GPC5: variants seen among roughly 807,000 people sequenced by gnomAD.
GPC5 encodes the protein glypican-5.
Under a neutral mutation model 53.9 loss-of-function variants are expected in GPC5, and 47 were observed. That is an observed-to-expected ratio of 0.87 (90% CI 0.69 to 1.11). GPC5 has a LOEUF of 1.11. Among genes scored for constraint, GPC5 ranks in the 50% most tolerant of loss-of-function variants. The probability of loss-of-function intolerance (pLI) is 0.00; values close to 1 mark genes in which losing one functional copy is unlikely to be tolerated. For synonymous variants in GPC5, 286 were observed against 263.3 expected (o/e 1.09, Z -0.84); for missense variants, 748 against 713.1 (o/e 1.05, Z -0.56).
Position 92,048,708 on chromosome 13 carries a change from T to A in GPC5, c.1402-96122T>A, listed in dbSNP as rs184234327. Among the ~76,000 whole-genome samples the A allele has an allele frequency of 2.0e-3, 312 of 152,354 alleles. 3 individuals are homozygous for A. The highest frequency in any genetic ancestry group is 7.1e-3 in the African/African-American group (296 of 41,584). On this transcript the variant is annotated intron_variant, in intron 6 of 7. Coordinates refer to ENST00000377067, the MANE Select transcript of GPC5 (RefSeq NM_004466.6). Reference sequence around the variant, plus strand: ...AACATTTGATTTCACAATATTAATATATTGCCTGAACAAATGTTCAGAAAT... The same window carrying A: ...AACATTTGATTTCACAATATTAATAAATTGCCTGAACAAATGTTCAGAAAT...
chr13:92,551,766 GAACA>G (rs915299849), intron 7 of GPC5, among the ~76,000 whole-genome samples: 3 of 151,436 alleles, frequency 2.0e-5, no homozygotes, highest in East Asian at 1.9e-4. Flanking sequence ...AATGTGAGAA[GAACA>G]AACAAACAGA....
chr13:91,594,346 T>A (rs950603550), intron 2 of GPC5, among the ~76,000 whole-genome samples: 3 of 152,224 alleles, frequency 2.0e-5, no homozygotes, highest in African/African-American at 7.2e-5. Context: ...TCTCATTATT[T>A]CTATACAAGG....
At chr13:92,404,952 A>G (rs947280022) in intron 7 of GPC5, among the ~76,000 whole-genome samples, 1 of 150,404 alleles carries the variant, frequency 6.6e-6, no homozygotes, top group African/African-American at 2.5e-5. Flanking sequence ...TGGGAGTTTA[A>G]GCAAAACAAT....
intron 3 of GPC5, among the ~76,000 whole-genome samples, chr13:91,719,521 A>G (rs1278802806): frequency 6.6e-6 from 1 of 152,190 alleles, no homozygotes; most frequent in Non-Finnish European, 1.5e-5. Context: ...ATCTCACATT[A>G]TGGTCATTAT....
intron 2 of GPC5, among the ~76,000 whole-genome samples, chr13:91,452,322 G>A (rs886361367): frequency 6.6e-6 from 1 of 152,034 alleles, no homozygotes; most frequent in African/African-American, 2.4e-5. Flanking sequence ...TTATGACCTG[G>A]GACTTCACTA....
intron 7 of GPC5, among the ~76,000 whole-genome samples, chr13:92,372,671 T>A (rs180817605): frequency 6.6e-6 from 1 of 152,288 alleles, no homozygotes; most frequent in South Asian, 2.1e-4. Context: ...GACCTTGATA[T>A]ATTTCTGTCC....
At chr13:91,574,714 G>A (rs1351728794) in intron 2 of GPC5, among the ~76,000 whole-genome samples, 1 of 152,050 alleles carries the variant, frequency 6.6e-6, no homozygotes, top group Non-Finnish European at 1.5e-5. Context: ...CAATTGCCAT[G>A]AAAGTAAAGG....
chr13:92,429,010 A>G (rs779945450), intron 7 of GPC5, among the ~76,000 whole-genome samples: 17 of 152,126 alleles, frequency 1.1e-4, no homozygotes, highest in Non-Finnish European at 2.9e-5. Context: ...TTGGGGGGAC[A>G]AAATACTTTA....
intron 6 of GPC5, among the ~76,000 whole-genome samples, chr13:92,007,072 G>A (rs1209286475): frequency 6.6e-6 from 1 of 152,202 alleles, no homozygotes; most frequent in East Asian, 1.9e-4. Flanking sequence ...ATTGATGCTA[G>A]TGTGCAATTT....
At chr13:92,747,343 C>T (rs1889264777) in intron 7 of GPC5, among the ~76,000 whole-genome samples, 1 of 151,778 alleles carries the variant, frequency 6.6e-6, no homozygotes, top group Non-Finnish European at 1.5e-5. Flanking sequence ...TTCCTTTAAG[C>T]CAGAGATAAA....
intron 6 of GPC5, among the ~76,000 whole-genome samples, chr13:91,977,081 T>A (rs200560799): frequency 1.4e-4 from 19 of 135,490 alleles, no homozygotes; most frequent in East Asian, 2.2e-4. Context: ...AATAAATAAA[T>A]AAAATAACCA....
intron 7 of GPC5, among the ~76,000 whole-genome samples, chr13:92,316,343 A>G (rs953206043): frequency 3.9e-4 from 59 of 152,188 alleles, no homozygotes; most frequent in African/African-American, 1.4e-3. Flanking sequence ...GGAAGGTAAT[A>G]CTTAAGCATG....
intron 7 of GPC5, among the ~76,000 whole-genome samples, chr13:92,850,239 G>C (rs184202156): frequency 2.6e-5 from 4 of 152,240 alleles, no homozygotes; most frequent in African/African-American, 9.6e-5. Flanking sequence ...GCCCAAGAAA[G>C]CCAACTCCCT....
At chr13:91,931,285 A>C (rs1384208280) in intron 6 of GPC5, among the ~76,000 whole-genome samples, 1 of 152,070 alleles carries the variant, frequency 6.6e-6, no homozygotes, top group Non-Finnish European at 1.5e-5. Context: ...TTCACTTGTG[A>C]ATTATGTAAG....
At chr13:92,238,999 A>T (rs79628400) in intron 7 of GPC5, among the ~76,000 whole-genome samples, 82 of 30,214 alleles carry the variant, frequency 2.7e-3, no homozygotes, top group African/African-American at 5.1e-3. Context: ...TGACAAGATT[A>T]TTTTTTTTTT....
chr13:91,608,379 A>G (rs1448864182), intron 2 of GPC5, among the ~76,000 whole-genome samples: 1 of 152,212 alleles, frequency 6.6e-6, no homozygotes, highest in African/African-American at 2.4e-5. Context: ...TGTTTCTGTC[A>G]TTAGAGAACA....
At chr13:92,773,795 A>G (rs1875696831) in intron 7 of GPC5, among the ~76,000 whole-genome samples, 1 of 152,084 alleles carries the variant, frequency 6.6e-6, no homozygotes, top group Non-Finnish European at 1.5e-5. Flanking sequence ...AAGCTTTTGT[A>G]TTAGTTGGTT....
At chr13:92,502,427 G>A (rs2138935393) in intron 7 of GPC5, among the ~76,000 whole-genome samples, 1 of 151,908 alleles carries the variant, frequency 6.6e-6, no homozygotes, top group East Asian at 1.9e-4. Flanking sequence ...TACAAAGATT[G>A]TCAGAATGGA....
At chr13:91,411,721 AT>A (rs1566372430) in intron 1 of GPC5, among the ~76,000 whole-genome samples, 1 of 152,198 alleles carries the variant, frequency 6.6e-6, no homozygotes, top group Non-Finnish European at 1.5e-5. Flanking sequence ...GGAATATTGC[AT>A]GATCCTTATA....
Sources: allele counts gnomAD v4.1 joint callset (sites outside exome capture counted in the v4.1 genomes callset), GRCh38; gene constraint gnomAD v4.1.1; transcripts MANE v1.5; gene names NCBI Gene and HGNC (gene_info 2026-07-23, HGNC 2026-07-21).